PTPRN2: variants seen among roughly 807,000 people sequenced by gnomAD.
The protein encoded by PTPRN2 is protein tyrosine phosphatase receptor type N2.
Under a neutral mutation model 118.8 loss-of-function variants are expected in PTPRN2, and 74 were observed. The ratio of observed to expected loss-of-function variants is 0.62; its 90% confidence interval spans 0.52 to 0.76. The LOEUF (loss-of-function observed/expected upper bound fraction) is 0.76, where lower values mean the gene tolerates loss of function less well. Ranked by LOEUF, PTPRN2 falls within the 30% of genes least tolerant of loss-of-function variation. The pLI is 0.00. For missense variants in PTPRN2, 1,481 were observed against 1,394.4 expected (o/e 1.06, Z -0.99); for synonymous variants, 641 against 608.0 (o/e 1.05, Z -0.80).
intron 2 of PTPRN2, among the ~76,000 whole-genome samples, chr7:158,336,330 C>A (rs1349775277): frequency 9.9e-5 from 14 of 141,874 alleles, no homozygotes; most frequent in East Asian, 4.4e-4. Flanking sequence ...TAAGAGGTGA[C>A]ACCTGCAGAC....
In PTPRN2 at chr7:157,590,028, C is replaced by A. The variant is rs1371496958; in HGVS notation, c.2496+5210G>T. On this transcript the variant is annotated intron_variant, in intron 17 of 22. Coordinates refer to ENST00000389418, the MANE Select transcript of PTPRN2 (RefSeq NM_002847.5). The surrounding 1 kb of genome is among the most constrained non-coding windows in gnomAD (Gnocchi z 4.0). ...TCTGTTGTGTTTTGAATGTCAGCACCCTTTTTGAATTTATGATTGCAGAAG... is the reference window on the plus strand; with the variant it reads ...TCTGTTGTGTTTTGAATGTCAGCACACTTTTTGAATTTATGATTGCAGAAG... Among the ~76,000 whole-genome samples the A allele has an allele frequency of 1.3e-5, 2 of 152,158 alleles. No individual in the cohort carries two copies. The highest frequency in any genetic ancestry group is 2.9e-5 in the Non-Finnish European group (2 of 68,028).
intron 12 of PTPRN2, among the ~76,000 whole-genome samples, chr7:157,699,337 C>T: frequency 6.6e-6 from 1 of 152,336 alleles, no homozygotes; most frequent in Middle Eastern, 3.4e-3. Flanking sequence ...TGATCACCAT[C>T]AAGTGACATT....
chr7:157,707,718 A>G (rs530486182), intron 12 of PTPRN2, among the ~76,000 whole-genome samples: 5 of 152,020 alleles, frequency 3.3e-5, no homozygotes, highest in East Asian at 1.9e-4. Flanking sequence ...CATAATCCCA[A>G]TTGGGATTAC....
At chr7:158,171,179 T>C (rs1033713284) in intron 5 of PTPRN2, among the ~76,000 whole-genome samples, 2 of 137,932 alleles carry the variant, frequency 1.4e-5, no homozygotes, top group Admixed American at 1.5e-4. Flanking sequence ...TATATACACA[T>C]ATATACACAC....
At chr7:158,433,176 G>A (rs1337827689) in intron 2 of PTPRN2, among the ~76,000 whole-genome samples, 2 of 152,216 alleles carry the variant, frequency 1.3e-5, no homozygotes, top group Non-Finnish European at 2.9e-5. Flanking sequence ...ACATCCCACA[G>A]TTATTTCTAC....
intron 11 of PTPRN2, among the ~76,000 whole-genome samples, chr7:158,019,714 C>G (rs193180467): frequency 1.3e-3 from 193 of 151,336 alleles, no homozygotes; most frequent in African/African-American, 3.7e-3. Flanking sequence ...TGTGTCCCCT[C>G]CAAGTCCCAC....
intron 3 of PTPRN2, among the ~76,000 whole-genome samples, chr7:158,205,636 A>G (rs968776429): frequency 6.6e-6 from 1 of 152,200 alleles, no homozygotes; most frequent in African/African-American, 2.4e-5. Context: ...GTGAGTGGTC[A>G]CAGTACCTGG....
chr7:158,187,260 C>A (rs935560419), intron 5 of PTPRN2, among the ~76,000 whole-genome samples: 2 of 152,180 alleles, frequency 1.3e-5, no homozygotes, highest in African/African-American at 4.8e-5. Flanking sequence ...AGCATGAAGG[C>A]CCTGAAAGGC....
intron 11 of PTPRN2, among the ~76,000 whole-genome samples, chr7:158,026,925 A>G (rs972404882): frequency 6.6e-6 from 1 of 152,250 alleles, no homozygotes; most frequent in African/African-American, 2.4e-5. Context: ...GCACTGTGTC[A>G]GTTGGCACTG....
rs1486844266 is a variant in PTPRN2 at position 157,615,601 on chromosome 7, A to G, written c.2344+5761T>C. ...GGAAGTCCCGCGGTGGATCCGCGTC[A>G]CGGGGGAGGATTGGCTCAGCACTGG... On this transcript the variant is annotated intron_variant, in intron 15 of 22. Transcript: ENST00000389418. This position sits in a 1 kb window ranked among gnomAD's most constrained non-coding sequence, Gnocchi z 4.3. 2 of 471,212 alleles carry G rather than the reference A, an allele frequency of 4.2e-6. No individual in the cohort carries two copies. The highest frequency in any genetic ancestry group is 4.4e-6 in the Non-Finnish European group (1 of 227,066). 29.2% of individuals were successfully genotyped at this position (471,212 alleles called of 1,614,324 possible).
intron 12 of PTPRN2, among the ~76,000 whole-genome samples, chr7:157,895,579 A>C (rs1056115633): frequency 6.6e-6 from 1 of 152,248 alleles, no homozygotes; most frequent in African/African-American, 2.4e-5. Context: ...AAAATACAGT[A>C]ACCAAGAGAA....
At chr7:158,149,265 C>T (rs942006893) in intron 6 of PTPRN2, among the ~76,000 whole-genome samples, 1 of 152,174 alleles carries the variant, frequency 6.6e-6, no homozygotes, top group Non-Finnish European at 1.5e-5. Context: ...ACCCAATTTC[C>T]AACCAAAAGA....
intron 14 of PTPRN2, among the ~76,000 whole-genome samples, chr7:157,642,526 T>C (rs1223259955): frequency 1.3e-5 from 2 of 152,116 alleles, no homozygotes; most frequent in Admixed American, 6.5e-5. Context: ...CGCCTCGGGT[T>C]TCTCCAGGAA....
chr7:158,044,642 G>A (rs1009342753), intron 11 of PTPRN2, among the ~76,000 whole-genome samples: 1 of 152,140 alleles, frequency 6.6e-6, no homozygotes, highest in Non-Finnish European at 1.5e-5. Context: ...GCTGCAGGAG[G>A]CCACAGGGGA....
At chr7:157,645,684 C>T (rs538052476) in intron 14 of PTPRN2, among the ~76,000 whole-genome samples, 2 of 152,146 alleles carry the variant, frequency 1.3e-5, no homozygotes, top group African/African-American at 4.8e-5. Context: ...CTGAGAGCGG[C>T]GTCATGTGAG....
intron 12 of PTPRN2, among the ~76,000 whole-genome samples, chr7:157,741,765 T>G (rs1284089049): frequency 2.0e-5 from 3 of 152,196 alleles, no homozygotes; most frequent in Non-Finnish European, 4.4e-5. Context: ...TTGTGGACAC[T>G]GCACCTGGCA....
intron 12 of PTPRN2, among the ~76,000 whole-genome samples, chr7:157,850,426 T>C (rs141561604): frequency 3.1e-3 from 475 of 152,050 alleles, no homozygotes; most frequent in Non-Finnish European, 4.3e-3. Context: ...GGTATCCGAA[T>C]TTCCGACGTG....
At chr7:157,706,706 C>A (rs768402918) in intron 12 of PTPRN2, among the ~76,000 whole-genome samples, 15 of 151,618 alleles carry the variant, frequency 9.9e-5, no homozygotes, top group Non-Finnish European at 2.1e-4. Flanking sequence ...CGGATCACAT[C>A]CCCCAGAATG....
At chr7:157,946,460 C>T (rs1800495381) in intron 11 of PTPRN2, among the ~76,000 whole-genome samples, 1 of 152,230 alleles carries the variant, frequency 6.6e-6, no homozygotes, top group Non-Finnish European at 1.5e-5. Context: ...AAAGACTCTG[C>T]ATGTCACCAT....
Sources: gnomAD v4.1 joint callset for allele counts (sites outside exome capture counted in the v4.1 genomes callset) on GRCh38, gnomAD v4.1.1 for gene constraint, Gnocchi (gnomAD v3.1) non-coding constraint, MANE v1.5 for transcripts, NCBI Gene and HGNC (gene_info 2026-07-23, HGNC 2026-07-21) for gene names.